The following TDRD12 variants were observed in gnomAD, a reference collection of about 807,000 sequenced individuals.
TDRD12 encodes the protein putative ATP-dependent RNA helicase TDRD12.
TDRD12 carries 158 observed loss-of-function variants against 133.5 expected under a neutral mutation model. The ratio of observed to expected loss-of-function variants is 1.18; its 90% CI spans 1.04 to 1.35. The LOEUF (loss-of-function observed/expected upper bound fraction) is 1.35, where lower values mean the gene tolerates loss of function less well. TDRD12 is among the 40% of genes most tolerant of loss of function. The pLI is 0.00. For synonymous variants in TDRD12, 460 were observed against 477.9 expected (o/e 0.96, Z 0.49); for missense variants, 1,443 against 1,321.3 (o/e 1.09, Z -1.43).
intron 1 of TDRD12, among the ~76,000 whole-genome samples, chr19:32,726,716 AAT>A (rs1387713189): frequency 6.6e-6 from 1 of 151,980 alleles, no homozygotes; most frequent in Non-Finnish European, 1.5e-5. Flanking sequence ...TGAGGTGGGC[AAT>A]ATAGCAAGAC....
chr19:32,818,212 G>A, intron 27 of TDRD12, 55 bp downstream of exon 27: 1 of 676,982 alleles, frequency 1.5e-6, no homozygotes, highest in Non-Finnish European at 2.7e-6. Flanking sequence ...AGGGGGCCAT[G>A]TGTGAGGGGG....
In TDRD12 at chr19:32,805,220, C is replaced by T. The variant is rs1439352300; in HGVS notation, c.2552+2078C>T. Among the ~76,000 whole-genome samples, 7 of 134,920 alleles carry T rather than the reference C, an allele frequency of 5.2e-5. No individual in the cohort carries two copies. The East Asian group carries it at 1.3e-3, about 25-fold the overall frequency. The allele number at this position is 134,920 out of a possible 152,430, so 88.5% of individuals were successfully genotyped here. A position where few individuals can be genotyped will look rare whatever the true frequency, so the allele number is the denominator to read the frequency against. On this transcript the variant is annotated intron_variant, in intron 21 of 27. Transcript: ENST00000444215. ...ATATACACACACACACACACACACA[C>T]ATATATATATATATAAGCCAGCTGT...
chr19:32,738,972 C>G (rs1969309460), exon 3 of TDRD12: 3 of 1,550,666 alleles, frequency 1.9e-6, no homozygotes, highest in Non-Finnish European at 2.6e-6. Flanking sequence ...TTGCCAAGAA[C>G]ATTCCAGTCA....
rs1568499243 is a variant in TDRD12 at position 32,821,064 on chromosome 19, C to T, written c.3415C>T (p.Gln1139Ter). The change falls in exon 28 of 28, where the codon CAG (glutamine) becomes TAG (stop). Residue 1139 changes from glutamine to a stop codon, truncating the protein, a stop_gained. Coordinates refer to ENST00000444215, the Ensembl canonical transcript of TDRD12. LOFTEE classifies it low-confidence loss of function (END_TRUNC). Reference sequence around the variant, plus strand: ...TCCAGCAGAAGATGCTGCTTGCCTGCAGAGCCCCCAGCCTGAGGACACGGG... The same window carrying T: ...TCCAGCAGAAGATGCTGCTTGCCTGTAGAGCCCCCAGCCTGAGGACACGGG... 1.3e-6 allele frequency: 2 copies of T among 1,535,894 alleles called. No homozygotes were observed. Among genetic ancestry groups the T allele is most frequent in the African/African-American group, 2.7e-5 (2 of 73,108 alleles).
chr19:32,764,094 A>G (rs371441400), intron 8 of TDRD12, among the ~76,000 whole-genome samples: 1 of 104,188 alleles, frequency 9.6e-6, no homozygotes, highest in African/African-American at 3.7e-5. Flanking sequence ...TTTTACTTGT[A>G]TTGTCCATCT....
chr19:32,789,982 A>G (rs942633866), intron 11 of TDRD12, among the ~76,000 whole-genome samples: 3 of 152,092 alleles, frequency 2.0e-5, no homozygotes, highest in African/African-American at 7.2e-5. Flanking sequence ...AGCCTGAGTA[A>G]CAAGAGCGAA....
chr19:32,734,829 A>AT (rs759347602), intron 2 of TDRD12, among the ~76,000 whole-genome samples: 11 of 152,120 alleles, frequency 7.2e-5, no homozygotes, highest in Non-Finnish European at 1.5e-4. Flanking sequence ...TCTGTGTCAC[A>AT]TCTTGGTAAT....
In TDRD12 at chr19:32,749,898, A is replaced by G. The variant is rs1284945539; in HGVS notation, c.582+29A>G. ...AGTGAAAGAATTGTATTTTTATAATATTTCATCATTTTAAATTTTACTTTA... is the reference window on the plus strand; with the variant it reads ...AGTGAAAGAATTGTATTTTTATAATGTTTCATCATTTTAAATTTTACTTTA... On this transcript the variant is annotated intron_variant, in intron 6 of 27. Coordinates refer to ENST00000444215, the Ensembl canonical transcript of TDRD12. 5.7e-6 allele frequency: 8 copies of G among 1,415,286 alleles called. No individual in the cohort carries two copies. The Admixed American group carries it at 1.3e-4, about 24-fold the overall frequency. 87.7% of individuals were successfully genotyped at this position (1,415,286 alleles called of 1,614,324 possible).
At chr19:32,822,463 C>T (rs922556280), downstream of TDRD12, among the ~76,000 whole-genome samples, 2 of 151,776 alleles carry the variant, frequency 1.3e-5, no homozygotes, top group South Asian at 4.2e-4. Context: ...AATAGATAAA[C>T]GGGGCTGGGT....
At chr19:32,765,216 A>G (rs1970260802) in intron 8 of TDRD12, among the ~76,000 whole-genome samples, 2 of 152,318 alleles carry the variant, frequency 1.3e-5, no homozygotes, top group Non-Finnish European at 2.9e-5. Flanking sequence ...TTAGAATGGC[A>G]GTCATTAAAA....
intron 21 of TDRD12, among the ~76,000 whole-genome samples, chr19:32,805,458 A>G (rs1971520589): frequency 6.6e-6 from 1 of 151,670 alleles, no homozygotes; most frequent in Admixed American, 6.6e-5. Flanking sequence ...TTCCATATGG[A>G]TAATGGTTTG....
intron 8 of TDRD12, among the ~76,000 whole-genome samples, chr19:32,765,765 A>G (rs184170262): frequency 1.5e-3 from 228 of 152,096 alleles, no homozygotes; most frequent in African/African-American, 5.1e-3. Context: ...GGGAGGGATA[A>G]CATTAGGAGA....
chr19:32,762,103 T>C (rs952456487), intron 8 of TDRD12, among the ~76,000 whole-genome samples: 1 of 152,202 alleles, frequency 6.6e-6, no homozygotes, highest in African/African-American at 2.4e-5. Flanking sequence ...TTTTTACATG[T>C]GTCCTTTGCA....
chr19:32,808,358 T>C (rs1355013107), intron 22 of TDRD12, among the ~76,000 whole-genome samples: 1 of 152,212 alleles, frequency 6.6e-6, no homozygotes, highest in African/African-American at 2.4e-5. Flanking sequence ...TCTTCTGACA[T>C]GTTCCTGGAT....
chr19:32,805,662 G>A (rs777018919), intron 21 of TDRD12, among the ~76,000 whole-genome samples: 26 of 151,322 alleles, frequency 1.7e-4, no homozygotes, highest in South Asian at 4.2e-4. Context: ...TCCAGCTTTG[G>A]TCCTCATCAA....
chr19:32,811,550 C>G, intron 24 of TDRD12, 130 bp downstream of exon 24: 2 of 856,046 alleles, frequency 2.3e-6, no homozygotes. Context: ...CTGCTTAGAT[C>G]CCCACGGTGT....
intron 8 of TDRD12, among the ~76,000 whole-genome samples, chr19:32,772,098 G>A (rs987981171): frequency 6.6e-6 from 1 of 152,180 alleles, no homozygotes; most frequent in Non-Finnish European, 1.5e-5. Context: ...GCCTCAGACA[G>A]GGAGACGTGA....
At chr19:32,732,989 C>T (rs545187951) in intron 2 of TDRD12, among the ~76,000 whole-genome samples, 2 of 152,008 alleles carry the variant, frequency 1.3e-5, no homozygotes, top group South Asian at 2.1e-4. Context: ...GCCTGGGCAA[C>T]ATAGTAAGAC....
chr19:32,772,658 T>C, intron 8 of TDRD12, 95 bp from the exon 9 acceptor site: 2 of 689,044 alleles, frequency 2.9e-6, no homozygotes, highest in Non-Finnish European at 2.3e-6. Context: ...TAAGATTTTA[T>C]AATGGTATTT....
Sources: allele counts gnomAD v4.1 joint callset (sites outside exome capture counted in the v4.1 genomes callset), GRCh38; gene constraint gnomAD v4.1.1; transcripts MANE v1.5; gene names NCBI Gene and HGNC (gene_info 2026-07-23, HGNC 2026-07-21).